The following AFAP1 variants were observed in gnomAD, a reference collection of about 807,000 sequenced individuals.
AFAP1 encodes the protein actin filament associated protein 1, also known as actin filament-associated protein 1.
A neutral mutation model predicts 93.9 loss-of-function variants in AFAP1; 75 were observed. That is an observed-to-expected ratio of 0.80 (90% CI 0.66 to 0.97). The LOEUF is 0.97. AFAP1 is among the 50% of genes least tolerant of loss of function. The probability of loss-of-function intolerance (pLI) is 0.00; values close to 1 mark genes in which losing one functional copy is unlikely to be tolerated. For synonymous variants in AFAP1, 517 were observed against 430.7 expected, an observed-to-expected ratio of 1.20 and a Z score of -2.48; for missense variants, 1,201 against 1,050.8, an observed-to-expected ratio of 1.14 and a Z score of -1.98.
rs1713548138 is a variant in AFAP1 at position 7,759,979 on chromosome 4, T to A, written c.*3786A>T. ...TGGGTGGCAAAGTCTGTGGGCAAAA[T>A]TTACATCCCCCCAAATAGTGGGTGA... On this transcript the variant is annotated 3_prime_UTR_variant, in exon 18 of 18. Coordinates refer to ENST00000420658, the MANE Select transcript of AFAP1 (RefSeq NM_001134647.2). 6.6e-6 allele frequency: 1 copy of A among 152,006 alleles called. No homozygotes were observed. Among genetic ancestry groups the A allele is most frequent in the South Asian group, 2.1e-4 (1 of 4,836 alleles). The allele number at this position is 152,006 out of a possible 1,614,324, so 9.4% of individuals were successfully genotyped here. A position where few individuals can be genotyped will look rare whatever the true frequency, so the allele number is the denominator to read the frequency against.
intron 4 of AFAP1, among the ~76,000 whole-genome samples, chr4:7,849,685 G>A (rs1351206099): frequency 6.6e-6 from 1 of 152,180 alleles, no homozygotes; most frequent in Non-Finnish European, 1.5e-5. Flanking sequence ...GACTCACAAA[G>A]GGCTTTCCCC....
At chr4:7,812,844 T>C (rs928291186) in intron 8 of AFAP1, among the ~76,000 whole-genome samples, 2 of 152,218 alleles carry the variant, frequency 1.3e-5, no homozygotes, top group Admixed American at 6.5e-5. Context: ...AAATTAATAC[T>C]GTCAGACTAT....
rs1460924097 is a variant in AFAP1 at position 7,760,392 on chromosome 4, AGGTCTCAAGGAAG to A, written c.*3360_*3372del. ...GCCGCCGCCCGCCAGCCCCAAGGGA[AGGTCTCAAGGAAG>A]GCCCCATGGACAGTGGCCCATGCTC... On this transcript the variant is annotated 3_prime_UTR_variant, in exon 18 of 18. Coordinates refer to ENST00000420658, the MANE Select transcript of AFAP1 (RefSeq NM_001134647.2). The A allele has an allele frequency of 1.3e-5, 2 of 152,474 alleles. No homozygotes were observed. The highest frequency in any genetic ancestry group is 2.9e-5 in the Non-Finnish European group (2 of 68,254). The allele number at this position is 152,474 out of a possible 1,614,324, so 9.4% of individuals were successfully genotyped here. A position where few individuals can be genotyped will look rare whatever the true frequency, so the allele number is the denominator to read the frequency against.
intron 1 of AFAP1, among the ~76,000 whole-genome samples, chr4:7,932,976 C>T (rs1326527361): frequency 2.1e-5 from 3 of 144,230 alleles, no homozygotes; most frequent in Non-Finnish European, 4.5e-5. Flanking sequence ...GCCGAGATCG[C>T]GCCACTGCAC....
chr4:7,807,738 A>G (rs548727205), intron 9 of AFAP1, among the ~76,000 whole-genome samples: 1 of 152,358 alleles, frequency 6.6e-6, no homozygotes, highest in African/African-American at 2.4e-5. Context: ...TGTGTCCACC[A>G]GAAGTCAGTA....
intron 10 of AFAP1, among the ~76,000 whole-genome samples, chr4:7,798,703 C>A (rs1261919835): frequency 2.0e-5 from 3 of 152,190 alleles, no homozygotes; most frequent in African/African-American, 7.2e-5. Flanking sequence ...CCTCAGTGGT[C>A]CAAGCGTTTG....
Position 7,816,970 on chromosome 4 carries a change from C to G in AFAP1, c.823-871G>C, listed in dbSNP as rs569520687. Among the ~76,000 whole-genome samples the G allele has an allele frequency of 1.6e-4, 24 of 152,322 alleles. No homozygotes were observed. In the South Asian group the frequency reaches 4.8e-3, roughly 30 times the overall value. On this transcript the variant is annotated intron_variant, in intron 7 of 17. Transcript: ENST00000420658. ...ACCTAGAGCTGGCACCGCCCTGGCT[C>G]TCACACCAGGAACAGCTGGGGGAAT...
Position 7,774,892 on chromosome 4 carries a change from A to G in AFAP1, c.1909T>C (p.Tyr637His). 6.2e-7 allele frequency: 1 copy of G among 1,613,012 alleles called. No homozygotes were observed. The highest frequency in any genetic ancestry group is 1.1e-5 in the South Asian group (1 of 90,704). ...VKRTGSNAAQ[Y>H]KYGKNRVEAD... ...TCTACCCGGTTCTTGCCATACTTGT[A>G]CTGGGCAGCATCTTGAGAAGAAAAA... The change falls in exon 15 of 18, where the codon TAC becomes CAC. Residue 637 changes from tyrosine (Y) to histidine (H), a missense_variant. Coordinates refer to ENST00000420658, the MANE Select transcript of AFAP1 (RefSeq NM_001134647.2).
At position 7,763,360 on chromosome 4, in the gene AFAP1, G is replaced by T; in HGVS notation, c.*405C>A. ...AGCCACACTCATGCCCGGGGCAGCC[G>T]GGGATCCAAGCTCTTCCCTGTCGAA... is the stretch of plus-strand genomic sequence containing the variant. On this transcript the variant is annotated 3_prime_UTR_variant, in exon 18 of 18. Transcript: ENST00000420658. The T allele has an allele frequency of 5.0e-6, 1 of 199,622 alleles. No individual in the cohort carries two copies. The highest frequency in any genetic ancestry group is 1.0e-5 in the Non-Finnish European group (1 of 98,596). The allele number at this position is 199,622 out of a possible 1,614,324, so 12.4% of individuals were successfully genotyped here.
chr4:7,887,854 T>A (rs1439738318), intron 1 of AFAP1, among the ~76,000 whole-genome samples: 1 of 151,670 alleles, frequency 6.6e-6, no homozygotes, highest in African/African-American at 2.4e-5. Context: ...TGAGATGGAG[T>A]CTCGCTCCAT....
chr4:7,783,581 A>T (rs1303292015), intron 12 of AFAP1, among the ~76,000 whole-genome samples: 1 of 152,268 alleles, frequency 6.6e-6, no homozygotes, highest in South Asian at 2.1e-4. Context: ...ACAAACATGT[A>T]GCCCAGCAAT....
chr4:7,871,856 A>G lies in AFAP1; in HGVS notation c.127+96T>C, dbSNP rs1002260428. The stretch of plus-strand genomic sequence containing the variant: ...AATAAATAAGCTTGTAAGTTAAAGA[A>G]CAAATAAATATATTTTAGAAAGGTG... On this transcript the variant is annotated intron_variant, in intron 2 of 17. Coordinates refer to ENST00000420658, the MANE Select transcript of AFAP1 (RefSeq NM_001134647.2). 5 of 1,469,486 alleles carry G rather than the reference A, an allele frequency of 3.4e-6. No homozygotes were observed. The African/African-American group carries it at 7.1e-5, about 21-fold the overall frequency. The allele number at this position is 1,469,486 out of a possible 1,614,324, so 91.0% of individuals were successfully genotyped here.
intron 1 of AFAP1, among the ~76,000 whole-genome samples, chr4:7,907,533 C>G (rs776549449): frequency 9.9e-5 from 15 of 152,132 alleles, no homozygotes; most frequent in Non-Finnish European, 1.8e-4. Context: ...AAAACCAAAG[C>G]CTAGTCACCT....
rs143465108 is a variant in AFAP1, at chr4:7,887,398, C to T, written c.-2-15318G>A. Among the ~76,000 whole-genome samples, 564 of 152,260 alleles carry T rather than the reference C, an allele frequency of 3.7e-3. 6 individuals carry two copies. Among genetic ancestry groups the T allele is most frequent in the African/African-American group, 0.013 (527 of 41,552 alleles). On this transcript the variant is annotated intron_variant, in intron 1 of 17. Coordinates refer to ENST00000420658, the MANE Select transcript of AFAP1 (RefSeq NM_001134647.2). ...AATAAATATAAACACACAGAAATGA[C>T]GATGGGTGTTACAGGAAAATGCATC...
intron 3 of AFAP1, among the ~76,000 whole-genome samples, chr4:7,864,364 A>G (rs1405833015): frequency 3.3e-5 from 5 of 152,210 alleles, no homozygotes; most frequent in African/African-American, 1.2e-4. Context: ...TGACCCCACA[A>G]TAAGCAAATT....
chr4:7,779,471 C>T (rs1465668108), intron 13 of AFAP1, among the ~76,000 whole-genome samples: 1 of 152,212 alleles, frequency 6.6e-6, no homozygotes, highest in Non-Finnish European at 1.5e-5. Context: ...TAGTACTCTA[C>T]TCCTGAGACT....
intron 5 of AFAP1, chr4:7,842,928 A>C (rs547225389): frequency 1.8e-6 from 1 of 549,390 alleles, no homozygotes; most frequent in African/African-American, 1.9e-5. Context: ...GAGCTGGGAA[A>C]CCGGCAACCT....
intron 16 of AFAP1, among the ~76,000 whole-genome samples, chr4:7,771,076 T>A (rs572223391): frequency 6.6e-6 from 1 of 152,354 alleles, no homozygotes; most frequent in South Asian, 2.1e-4. Context: ...CAGCACTGTT[T>A]CACTGTTCTC....
chr4:7,832,984 C>T (rs112213334), intron 6 of AFAP1, among the ~76,000 whole-genome samples: 1,799 of 152,306 alleles, frequency 0.012, 10 homozygotes, highest in Non-Finnish European at 0.019. Flanking sequence ...TCATCTCTCA[C>T]CTTGTACAAA....
Sources: allele counts gnomAD v4.1 joint callset (sites outside exome capture counted in the v4.1 genomes callset), GRCh38; gene constraint gnomAD v4.1.1; transcripts MANE v1.5; gene names NCBI Gene and HGNC (gene_info 2026-07-23, HGNC 2026-07-21).